MEIS1: variants seen among roughly 807,000 people sequenced by gnomAD.
MEIS1 encodes the protein Meis homeobox 1.
A neutral mutation model predicts 50.8 loss-of-function variants in MEIS1; 5 were observed. The ratio of observed to expected loss-of-function variants is 0.10; its 90% CI spans 0.05 to 0.21. The LOEUF is 0.21. MEIS1 is among the 10% of genes least tolerant of loss of function. The probability of loss-of-function intolerance (pLI) is 1.00; values close to 1 mark genes in which losing one functional copy is unlikely to be tolerated. For synonymous variants in MEIS1, 176 were observed against 179.3 expected, an observed-to-expected ratio of 0.98 and a Z score of 0.15; for missense variants, 318 against 517.3, an observed-to-expected ratio of 0.61 and a Z score of 3.74.
At chr2:66,466,941 TAAA>T (rs397944047) in intron 7 of MEIS1, among the ~76,000 whole-genome samples, 6 of 130,428 alleles carry the variant, frequency 4.6e-5, no homozygotes, top group Admixed American at 7.9e-5. Context: ...CACCTGTGGT[TAAA>T]AAAAAAAAAA....
chr2:66,489,894 TG>T (rs1282100966), intron 7 of MEIS1, among the ~76,000 whole-genome samples: 1 of 152,216 alleles, frequency 6.6e-6, no homozygotes, highest in Non-Finnish European at 1.5e-5. Flanking sequence ...GAATTAGTTT[TG>T]GTTTATATTT....
intron 7 of MEIS1, among the ~76,000 whole-genome samples, chr2:66,496,840 CT>C (rs1466235635): frequency 6.6e-6 from 1 of 152,010 alleles, no homozygotes; most frequent in Non-Finnish European, 1.5e-5. Context: ...TGCAATGTGG[CT>C]ATTTTTGACT....
At chr2:66,445,859 T>A (rs894120508) in intron 6 of MEIS1, among the ~76,000 whole-genome samples, 2 of 152,228 alleles carry the variant, frequency 1.3e-5, no homozygotes, top group African/African-American at 4.8e-5. Flanking sequence ...TTATTTATTT[T>A]AAAAATAGGA....
chr2:66,475,938 A>C lies in MEIS1; in HGVS notation c.742+11718A>C, dbSNP rs375075073. Among the ~76,000 whole-genome samples the C allele has an allele frequency of 2.6e-4, 40 of 152,254 alleles. No individual in the cohort carries two copies. The South Asian group carries it at 4.4e-3, about 17-fold the overall frequency. On this transcript the variant is annotated intron_variant, in intron 7 of 12. Coordinates refer to ENST00000272369, the MANE Select transcript of MEIS1 (RefSeq NM_002398.3). ...TGACAGCCTATTTTGATGTGAGCCA[A>C]GGTGCTGAGTATTTGGTGATGCCAT...
At chr2:66,512,330 A>G (rs754738478) in intron 8 of MEIS1, 36 bp downstream of exon 8, 4 of 1,581,732 alleles carry the variant, frequency 2.5e-6, no homozygotes, top group Non-Finnish European at 3.4e-6. Flanking sequence ...TAAACTAAAT[A>G]TGGACAATGA....
intron 9 of MEIS1, among the ~76,000 whole-genome samples, chr2:66,565,377 G>A (rs535025217): frequency 6.6e-6 from 1 of 152,226 alleles, no homozygotes; most frequent in South Asian, 2.1e-4. Flanking sequence ...TCACAGTCAT[G>A]CTTCTTCCTT....
chr2:66,493,932 T>G (rs553244591), intron 7 of MEIS1, among the ~76,000 whole-genome samples: 72 of 152,350 alleles, frequency 4.7e-4, no homozygotes, highest in African/African-American at 1.7e-3. Context: ...CTGAGTGATC[T>G]GTCTGTATTT....
At chr2:66,441,518 G>T (rs1671981885) in intron 5 of MEIS1, 54 bp downstream of exon 5, 2 of 1,405,654 alleles carry the variant, frequency 1.4e-6, no homozygotes, top group South Asian at 1.4e-5. Context: ...CAAACACACA[G>T]GGGGGAGGGT....
At chr2:66,524,590 TA>T (rs949523654) in intron 8 of MEIS1, among the ~76,000 whole-genome samples, 14 of 150,178 alleles carry the variant, frequency 9.3e-5, no homozygotes, top group South Asian at 2.1e-4. Flanking sequence ...TTTAAAAAAT[TA>T]AAAAAAAAGG....
chr2:66,499,860 A>G (rs1673505242), intron 7 of MEIS1, among the ~76,000 whole-genome samples: 1 of 152,188 alleles, frequency 6.6e-6, no homozygotes, highest in South Asian at 2.1e-4. Flanking sequence ...ACTCTCTCAT[A>G]TCTGATTATA....
chr2:66,441,269 C>T (rs1671973837), intron 4 of MEIS1, 145 bp from the exon 5 acceptor site: 2 of 612,628 alleles, frequency 3.3e-6, no homozygotes. Flanking sequence ...TACCCAGTTG[C>T]TGCTATTAAG....
chr2:66,541,061 A>G (rs925283380), intron 8 of MEIS1, among the ~76,000 whole-genome samples: 1 of 150,010 alleles, frequency 6.7e-6, no homozygotes, highest in African/African-American at 2.5e-5. Flanking sequence ...TTTTTTTGAG[A>G]CAGTCTCACT....
intron 6 of MEIS1, among the ~76,000 whole-genome samples, chr2:66,458,875 C>T (rs556875361): frequency 5.5e-4 from 83 of 152,256 alleles, no homozygotes; most frequent in Non-Finnish European, 9.9e-4. Context: ...GACAATTTAA[C>T]AAAGATTCCA....
intron 9 of MEIS1, among the ~76,000 whole-genome samples, chr2:66,558,042 G>C (rs1675111781): frequency 1.3e-5 from 2 of 152,108 alleles, no homozygotes; most frequent in Non-Finnish European, 2.9e-5. Context: ...CATTTTGGGA[G>C]GCCGAGGGAG....
chr2:66,444,512 A>C (rs543835118), intron 6 of MEIS1, among the ~76,000 whole-genome samples: 2 of 152,344 alleles, frequency 1.3e-5, no homozygotes, highest in South Asian at 4.1e-4. Flanking sequence ...CAGAGATTTA[A>C]AAGTGCCAAT....
At chr2:66,568,793 A>T (rs1675413904) in intron 11 of MEIS1, 37 bp downstream of exon 11, 2 of 1,551,272 alleles carry the variant, frequency 1.3e-6, no homozygotes, top group South Asian at 2.2e-5. Flanking sequence ...CTCATTTTTG[A>T]CTCCAAGAGT....
chr2:66,529,116 T>C (rs139668038), intron 8 of MEIS1, among the ~76,000 whole-genome samples: 207 of 152,170 alleles, frequency 1.4e-3, no homozygotes, highest in Non-Finnish European at 2.5e-3. Context: ...CATTTGTTGT[T>C]TTCCCCAGGA....
At chr2:66,505,889 A>G (rs999636457) in intron 7 of MEIS1, among the ~76,000 whole-genome samples, 4 of 152,098 alleles carry the variant, frequency 2.6e-5, no homozygotes, top group African/African-American at 9.7e-5. Flanking sequence ...TGAGAAATGT[A>G]TTTCTTCCAT....
rs760915876 is a variant in MEIS1, at chr2:66,437,722, CTGTT to C, written c.13-11_13-8del. The C allele has an allele frequency of 6.2e-7, 1 of 1,612,958 alleles. No individual in the cohort carries two copies. The highest frequency in any genetic ancestry group is 1.1e-5 in the South Asian group (1 of 90,954). ...TGGCCTCCTGAACCTTCTTTCTCTC[CTGTT>C]TGTCATGCAGTACGACGATCTACCC... On this transcript the variant is annotated splice_polypyrimidine_tract_variant and intron_variant, in intron 1 of 12. Coordinates refer to ENST00000272369, the MANE Select transcript of MEIS1 (RefSeq NM_002398.3).
Sources: allele counts gnomAD v4.1 joint callset (sites outside exome capture counted in the v4.1 genomes callset), GRCh38; gene constraint gnomAD v4.1.1; transcripts MANE v1.5; gene names NCBI Gene and HGNC (gene_info 2026-07-23, HGNC 2026-07-21).